The following TRPS1 variants were observed in gnomAD, a reference collection of about 807,000 sequenced individuals.
TRPS1 encodes the protein transcriptional repressor GATA binding 1.
TRPS1 carries 6 observed loss-of-function variants against 101.2 expected under a neutral mutation model. The ratio of observed to expected loss-of-function variants is 0.06; its 90% CI spans 0.03 to 0.12. The LOEUF is 0.12. Ranked by LOEUF, TRPS1 falls within the 10% of genes least tolerant of loss-of-function variation. The pLI, the probability that TRPS1 is intolerant of heterozygous loss-of-function variation, is 1.00. For missense variants in TRPS1, 1,363 were observed against 1,567.0 expected, an observed-to-expected ratio of 0.87 and a Z score of 2.20; for synonymous variants, 578 against 589.8, an observed-to-expected ratio of 0.98 and a Z score of 0.29.
chr8:115,527,720 T>C (rs940039946), intron 5 of TRPS1, among the ~76,000 whole-genome samples: 2 of 151,990 alleles, frequency 1.3e-5, no homozygotes, highest in African/African-American at 2.4e-5. Flanking sequence ...GTACAGTTAA[T>C]AGATGAAGAG....
intron 5 of TRPS1, among the ~76,000 whole-genome samples, chr8:115,469,552 G>T (rs1814411720): frequency 6.6e-6 from 1 of 152,010 alleles, no homozygotes; most frequent in African/African-American, 2.4e-5. Context: ...AGGCTCGAGT[G>T]CAGTGGCGTG....
chr8:115,414,074 G>A lies in TRPS1; in HGVS notation c.3834C>T (p.Gly1278=). 6 of 1,613,690 alleles carry A rather than the reference G, an allele frequency of 3.7e-6. No individual in the cohort carries two copies. Among genetic ancestry groups the A allele is most frequent in the Non-Finnish European group, 5.1e-6 (6 of 1,179,828 alleles). The stretch of plus-strand genomic sequence containing the variant: ...CCACTTGTGCATTGTTCCTATGCAG[G>A]CCCCTCTGGATATGTGTTGTGAAGT... ...KYDFTTHIQR[G]LHRNNAQVEK... The change falls in exon 7 of 7, where the codon GGC becomes GGT. Residue 1278 remains glycine (G), a synonymous_variant. Transcript: ENST00000395715. The surrounding 1 kb of genome is among the most constrained non-coding windows in gnomAD (Gnocchi z 4.8).
intron 5 of TRPS1, among the ~76,000 whole-genome samples, chr8:115,585,909 C>A (rs748614824): frequency 1.3e-5 from 2 of 152,126 alleles, no homozygotes; most frequent in African/African-American, 4.8e-5. Context: ...TTTTCAACTC[C>A]GCTAGAGAAT....
At chr8:115,519,542 T>G (rs1309286067) in intron 5 of TRPS1, among the ~76,000 whole-genome samples, 2 of 151,610 alleles carry the variant, frequency 1.3e-5, no homozygotes, top group East Asian at 3.9e-4. Context: ...AGCGGAATTT[T>G]AAATTATATA....
intron 5 of TRPS1, among the ~76,000 whole-genome samples, chr8:115,456,920 A>G (rs1281388566): frequency 6.6e-6 from 1 of 152,130 alleles, no homozygotes; most frequent in Non-Finnish European, 1.5e-5. Flanking sequence ...TGTTGTTCAA[A>G]TCTGTGCAAT....
intron 5 of TRPS1, among the ~76,000 whole-genome samples, chr8:115,485,203 G>A (rs1814848563): frequency 6.6e-6 from 1 of 152,176 alleles, no homozygotes; most frequent in Non-Finnish European, 1.5e-5. Context: ...ACACATCTAT[G>A]AGGGCCACAT....
At position 115,408,682 on chromosome 8, in the gene TRPS1, C is replaced by T. The variant is rs1216382508; in HGVS notation, c.*5341G>A. ...TGTTGTAAGAACAGAACTATTATAGCCAACATTCTAGTATTCAAATCAGGA... is the reference window on the plus strand; with the variant it reads ...TGTTGTAAGAACAGAACTATTATAGTCAACATTCTAGTATTCAAATCAGGA... On this transcript the variant is annotated 3_prime_UTR_variant, in exon 7 of 7. Transcript: ENST00000395715. 3 of 151,492 alleles carry T rather than the reference C, an allele frequency of 2.0e-5. No homozygotes were observed. Among genetic ancestry groups the T allele is most frequent in the Non-Finnish European group, 4.4e-5 (3 of 67,720 alleles). The allele number at this position is 151,492 out of a possible 1,614,324, so 9.4% of individuals were successfully genotyped here. A position where few individuals can be genotyped will look rare whatever the true frequency, so the allele number is the denominator to read the frequency against.
chr8:115,480,206 C>T (rs560680132), intron 5 of TRPS1, among the ~76,000 whole-genome samples: 2 of 152,216 alleles, frequency 1.3e-5, no homozygotes, highest in East Asian at 3.9e-4. Context: ...ATTCACTTTA[C>T]CTCTCTGAGC....
chr8:115,594,723 T>C (rs1817750689), intron 4 of TRPS1, among the ~76,000 whole-genome samples: 1 of 152,008 alleles, frequency 6.6e-6, no homozygotes, highest in Admixed American at 6.5e-5. Context: ...ACAATAGTAG[T>C]ATTTCATTCA....
At chr8:115,560,300 G>A (rs1364636430) in intron 5 of TRPS1, among the ~76,000 whole-genome samples, 3 of 152,180 alleles carry the variant, frequency 2.0e-5, no homozygotes, top group South Asian at 2.1e-4. Flanking sequence ...AGGAATCCAC[G>A]AAGAAAAATT....
At chr8:115,544,488 C>T (rs751629818) in intron 5 of TRPS1, among the ~76,000 whole-genome samples, 2 of 151,944 alleles carry the variant, frequency 1.3e-5, no homozygotes, top group Non-Finnish European at 2.9e-5. Flanking sequence ...ATACCTAACA[C>T]CACAGTGTGC....
rs762721273 is a variant in TRPS1 at position 115,604,859 on chromosome 8, A to T, written c.1110T>A (p.Thr370=). The change falls in exon 4 of 7, where the codon ACT becomes ACA. Residue 370 remains threonine (T), a synonymous_variant. Transcript: ENST00000395715. The surrounding 1 kb of genome is among the most constrained non-coding windows in gnomAD (Gnocchi z 4.1). Reference sequence around the variant, plus strand: ...GAGAAGCTTTTATTTTGTTTGGGTGAGTCTGAAGAAAATGTTGTTCTAATT... The same window carrying T: ...GAGAAGCTTTTATTTTGTTTGGGTGTGTCTGAAGAAAATGTTGTTCTAATT... ...STELEQHFLQ[T]HPNKIKASLP... 6.2e-7 allele frequency: 1 copy of T among 1,613,960 alleles called. No homozygotes were observed. Among genetic ancestry groups the T allele is most frequent in the Non-Finnish European group, 8.5e-7 (1 of 1,179,990 alleles).
At chr8:115,434,756 C>T (rs895752712) in intron 5 of TRPS1, among the ~76,000 whole-genome samples, 1 of 152,220 alleles carries the variant, frequency 6.6e-6, no homozygotes, top group Non-Finnish European at 1.5e-5. Flanking sequence ...ATAGCATTCT[C>T]TGCCCCTCTA....
At chr8:115,584,356 T>G (rs1053430681) in intron 5 of TRPS1, among the ~76,000 whole-genome samples, 3 of 151,978 alleles carry the variant, frequency 2.0e-5, no homozygotes, top group African/African-American at 7.2e-5. Flanking sequence ...TAAAATCTGA[T>G]AGTTTACATT....
intron 5 of TRPS1, among the ~76,000 whole-genome samples, chr8:115,535,026 CAT>C (rs1327101843): frequency 7.5e-5 from 11 of 145,856 alleles, no homozygotes; most frequent in African/African-American, 2.0e-4. Flanking sequence ...TATATATAAG[CAT>C]ATATATATAG....
intron 5 of TRPS1, among the ~76,000 whole-genome samples, chr8:115,473,505 T>G (rs2130025582): frequency 6.6e-6 from 1 of 152,312 alleles, no homozygotes; most frequent in East Asian, 1.9e-4. Context: ...CCAAACCATA[T>G]CAGGCATGCA....
At chr8:115,638,269 T>A (rs1391738753) in intron 1 of TRPS1, among the ~76,000 whole-genome samples, 1 of 151,626 alleles carries the variant, frequency 6.6e-6, no homozygotes, top group African/African-American at 2.4e-5. Flanking sequence ...TGACTTGCCA[T>A]CCAGACAGAG....
At chr8:115,437,070 C>T (rs752290830) in intron 5 of TRPS1, among the ~76,000 whole-genome samples, 17 of 152,086 alleles carry the variant, frequency 1.1e-4, no homozygotes, top group South Asian at 2.1e-4. Context: ...GTAGTCCATC[C>T]GTGCCATCTA....
At chr8:115,547,782 ATTT>A (rs2130327923) in intron 5 of TRPS1, among the ~76,000 whole-genome samples, 1 of 152,132 alleles carries the variant, frequency 6.6e-6, no homozygotes, top group African/African-American at 2.4e-5. Flanking sequence ...CGCTGCACTT[ATTT>A]CGGTTTTCCT....
Sources: gnomAD v4.1 joint callset for allele counts (sites outside exome capture counted in the v4.1 genomes callset) on GRCh38, gnomAD v4.1.1 for gene constraint, Gnocchi (gnomAD v3.1) non-coding constraint, MANE v1.5 for transcripts, NCBI Gene and HGNC (gene_info 2026-07-23, HGNC 2026-07-21) for gene names.